SLC44A5: variants seen among roughly 807,000 people sequenced by gnomAD.
The protein encoded by SLC44A5 is choline transporter-like protein 5.
A neutral mutation model predicts 101.8 loss-of-function variants in SLC44A5; 57 were observed. The observed-to-expected ratio is 0.56, with a 90% CI of 0.45 to 0.70. The LOEUF (loss-of-function observed/expected upper bound fraction) is 0.70. SLC44A5 is among the 30% of genes least tolerant of loss of function. The pLI is 0.00. For synonymous variants in SLC44A5, 281 were observed against 290.9 expected, an observed-to-expected ratio of 0.97 and a Z score of 0.35; for missense variants, 737 against 853.1, an observed-to-expected ratio of 0.86 and a Z score of 1.70.
chr1:75,458,225 G>A (rs1666296705), intron 2 of SLC44A5, among the ~76,000 whole-genome samples: 1 of 152,166 alleles, frequency 6.6e-6, no homozygotes, highest in Non-Finnish European at 1.5e-5. Flanking sequence ...AGGCTTGGAG[G>A]TGATAAATGG....
intron 10 of SLC44A5, 90 bp from the exon 11 acceptor site, chr1:75,237,160 G>A: frequency 1.4e-6 from 1 of 694,498 alleles, no homozygotes; most frequent in Non-Finnish European, 2.5e-6. Flanking sequence ...TCTGCAAGGT[G>A]CTGTTGAAAG....
the SLC44A5 span, among the ~76,000 whole-genome samples, chr1:75,693,879 CA>C: frequency 1.3e-5 from 2 of 151,718 alleles, no homozygotes; most frequent in South Asian, 4.2e-4. Context: ...TTGGTTTTAG[CA>C]AGATAAAAAG....
At chr1:75,376,392 A>G (rs1010847752) in intron 3 of SLC44A5, among the ~76,000 whole-genome samples, 1 of 152,150 alleles carries the variant, frequency 6.6e-6, no homozygotes, top group Non-Finnish European at 1.5e-5. Flanking sequence ...CAGGGCACAG[A>G]CAAACAAAAA....
upstream of SLC44A5, among the ~76,000 whole-genome samples, chr1:75,615,484 GGAGA>G (rs377397836): frequency 8.9e-6 from 1 of 112,096 alleles, no homozygotes; most frequent in East Asian, 2.1e-4. Context: ...CACACGAGAG[GGAGA>G]GAGAGAGAGA....
At chr1:75,589,635 C>T (rs918397975) in intron 1 of SLC44A5, among the ~76,000 whole-genome samples, 10 of 152,094 alleles carry the variant, frequency 6.6e-5, no homozygotes, top group African/African-American at 1.2e-4. Flanking sequence ...CTGGTTTTAC[C>T]TTCATATCAC....
chr1:75,517,220 T>C (rs1332408585), intron 2 of SLC44A5, among the ~76,000 whole-genome samples: 3 of 152,272 alleles, frequency 2.0e-5, no homozygotes, highest in South Asian at 2.1e-4. Flanking sequence ...TCCGAGACTA[T>C]ATAGAATGTG....
chr1:75,641,406 C>T, the SLC44A5 span: 1 of 1,034,820 alleles, frequency 9.7e-7, no homozygotes, highest in Non-Finnish European at 1.5e-6. Flanking sequence ...GATTTTTGTA[C>T]ATTGCTTTGT....
intron 5 of SLC44A5, among the ~76,000 whole-genome samples, chr1:75,278,399 A>G (rs1388957519): frequency 6.6e-6 from 1 of 152,100 alleles, no homozygotes; most frequent in Non-Finnish European, 1.5e-5. Flanking sequence ...TAAGGTGATT[A>G]TGAGTGCCAT....
the SLC44A5 span, among the ~76,000 whole-genome samples, chr1:75,669,312 T>G: frequency 6.6e-6 from 1 of 152,188 alleles, no homozygotes; most frequent in South Asian, 2.1e-4. Context: ...GTGGATTCCC[T>G]ATACCCAAGG....
At chr1:75,426,733 G>A (rs1570244876) in intron 2 of SLC44A5, among the ~76,000 whole-genome samples, 1 of 152,218 alleles carries the variant, frequency 6.6e-6, no homozygotes, top group African/African-American at 2.4e-5. Context: ...TAGAGCATGG[G>A]CACCTGCCTT....
chr1:75,631,539 A>ATTTT, the SLC44A5 span, among the ~76,000 whole-genome samples: 127 of 80,810 alleles, frequency 1.6e-3, no homozygotes, highest in African/African-American at 3.6e-3. Context: ...CACCTGGCTA[A>ATTTT]TTTTTTTTTT....
the SLC44A5 span, among the ~76,000 whole-genome samples, chr1:75,621,707 T>C: frequency 2.0e-5 from 3 of 152,136 alleles, 1 homozygote; most frequent in Non-Finnish European, 2.9e-5. Context: ...CTTGCTCCAC[T>C]GTTGAAAAAC....
chr1:75,641,191 CT>C, the SLC44A5 span, among the ~76,000 whole-genome samples: 1 of 152,020 alleles, frequency 6.6e-6, no homozygotes, highest in African/African-American at 2.4e-5. Context: ...GTGTCTATTA[CT>C]TTTTTATTTT....
At chr1:75,543,549 T>C (rs1423956497) in intron 1 of SLC44A5, among the ~76,000 whole-genome samples, 1 of 150,258 alleles carries the variant, frequency 6.7e-6, no homozygotes, top group African/African-American at 2.4e-5. Flanking sequence ...ATCATCGCTG[T>C]AATTCCAGTG....
At chr1:75,660,326 C>T in the SLC44A5 span, among the ~76,000 whole-genome samples, 1 of 152,032 alleles carries the variant, frequency 6.6e-6, no homozygotes, top group Admixed American at 6.6e-5. Flanking sequence ...ATAGAAGGAA[C>T]ATATCTCAAA....
chr1:75,391,439 A>T (rs568709355), intron 3 of SLC44A5, among the ~76,000 whole-genome samples: 1 of 152,194 alleles, frequency 6.6e-6, no homozygotes, highest in African/African-American at 2.4e-5. Flanking sequence ...ACATTACCCA[A>T]CTTCAGACAT....
At chr1:75,467,109 C>T (rs915988733) in intron 2 of SLC44A5, among the ~76,000 whole-genome samples, 1 of 151,660 alleles carries the variant, frequency 6.6e-6, no homozygotes, top group African/African-American at 2.4e-5. Context: ...AACTAAATAC[C>T]TAGGAATGAA....
intron 2 of SLC44A5, among the ~76,000 whole-genome samples, chr1:75,403,203 C>T (rs576809598): frequency 6.6e-6 from 1 of 152,310 alleles, no homozygotes; most frequent in East Asian, 1.9e-4. Flanking sequence ...CAGTCAGGGG[C>T]TTATAGATAA....
chr1:75,560,799 G>A (rs569734535), intron 1 of SLC44A5, among the ~76,000 whole-genome samples: 3 of 152,116 alleles, frequency 2.0e-5, no homozygotes, highest in South Asian at 2.1e-4. Flanking sequence ...CACCTATTAC[G>A]AATCACCTAC....
Sources: allele counts gnomAD v4.1 joint callset (sites outside exome capture counted in the v4.1 genomes callset), GRCh38; gene constraint gnomAD v4.1.1; transcripts MANE v1.5; gene names NCBI Gene and HGNC (gene_info 2026-07-23, HGNC 2026-07-21).